The following MAPRE2 variants were observed in gnomAD, a reference collection of about 807,000 sequenced individuals.
MAPRE2 encodes the protein microtubule-associated protein RP/EB family member 2.
A neutral mutation model predicts 43.2 loss-of-function variants in MAPRE2; 13 were observed. The observed-to-expected ratio is 0.30, with a 90% confidence interval of 0.20 to 0.48. MAPRE2 has a LOEUF of 0.48. MAPRE2 is among the 20% of genes least tolerant of loss of function. The pLI is 0.99. For synonymous variants in MAPRE2, 135 were observed against 148.8 expected (o/e 0.91, Z 0.68); for missense variants, 161 against 400.2 (o/e 0.40, Z 5.10).
chr18:35,032,045 G>A (rs923690335), intron 2 of MAPRE2, among the ~76,000 whole-genome samples: 25 of 152,120 alleles, frequency 1.6e-4, no homozygotes, highest in African/African-American at 5.3e-4. Context: ...TTTCAGTGCC[G>A]GTACCACTGG....
Position 35,070,138 on chromosome 18 carries a change from C to A in MAPRE2, c.123-57C>A, listed in dbSNP as rs1907035360. 22 of 1,514,430 alleles carry A rather than the reference C, an allele frequency of 1.5e-5. No homozygotes were observed. The South Asian group carries it at 2.8e-4, about 19-fold the overall frequency. The allele number at this position is 1,514,430 out of a possible 1,614,324, so 93.8% of individuals were successfully genotyped here. ...CAGGATCTTGACCTCGAATAGGTAT[C>A]TTTTGTGTTTCTGAGTTAATTTCCT... On this transcript the variant is annotated intron_variant, in intron 1 of 6. Transcript: ENST00000300249.
intron 1 of MAPRE2, among the ~76,000 whole-genome samples, chr18:34,990,982 TG>T (rs1268698869): frequency 2.6e-5 from 4 of 152,154 alleles, no homozygotes; most frequent in South Asian, 2.1e-4. Context: ...GATAATCTGA[TG>T]GGGGGAGGAT....
intron 2 of MAPRE2, among the ~76,000 whole-genome samples, chr18:35,090,499 A>G (rs2144149370): frequency 6.6e-6 from 1 of 152,290 alleles, no homozygotes. Context: ...TGGGAGTCCA[A>G]GGCAGGAAGA....
At chr18:35,064,000 TAAAAAAAAAAAAAAAAA>T (rs575347953) in intron 1 of MAPRE2, among the ~76,000 whole-genome samples, 12 of 33,958 alleles carry the variant, frequency 3.5e-4, no homozygotes, top group South Asian at 1.8e-3. Context: ...CCTGTCTCTT[TAAAAAAAAAAAAAAAAA>T]AAAAAAAAAA....
intron 4 of MAPRE2, among the ~76,000 whole-genome samples, chr18:35,117,313 C>T (rs531577576): frequency 6.6e-6 from 1 of 152,296 alleles, no homozygotes; most frequent in African/African-American, 2.4e-5. Context: ...GACCGTGTCT[C>T]TCTTAGCCGG....
intron 6 of MAPRE2, among the ~76,000 whole-genome samples, chr18:35,138,797 G>A (rs1034524335): frequency 2.6e-5 from 4 of 152,044 alleles, no homozygotes; most frequent in South Asian, 4.2e-4. Flanking sequence ...AAACCCACAC[G>A]GCCTGTAAAT....
intron 1 of MAPRE2, among the ~76,000 whole-genome samples, chr18:34,980,870 T>C (rs1304258737): frequency 6.6e-6 from 1 of 152,188 alleles, no homozygotes; most frequent in East Asian, 1.9e-4. Context: ...GCTTTTATTT[T>C]CACCTGTGTA....
chr18:34,998,517 C>T (rs926333513), intron 1 of MAPRE2, among the ~76,000 whole-genome samples: 2 of 151,906 alleles, frequency 1.3e-5, no homozygotes, highest in East Asian at 1.9e-4. Flanking sequence ...TTAGTAGAGA[C>T]GGGGTTTCAC....
In MAPRE2 at chr18:34,980,271, C is replaced by T. The variant is rs143694036; in HGVS notation, c.-70+3192C>T. 4.7e-4 allele frequency among the ~76,000 whole-genome samples: 72 copies of T among 152,100 alleles called. No individual in the cohort carries two copies. In the East Asian group the frequency reaches 0.011, roughly 24 times the overall value. ...AACTCCTGACCTGAGGTGATCCACC[C>T]GCCTCGGCCTCCCAAACTGCTGGGA... On this transcript the variant is annotated intron_variant, in intron 1 of 7. Transcript: ENST00000413393.
At chr18:35,121,742 G>T (rs777804580) in intron 4 of MAPRE2, among the ~76,000 whole-genome samples, 2 of 152,196 alleles carry the variant, frequency 1.3e-5, no homozygotes, top group Non-Finnish European at 2.9e-5. Flanking sequence ...GCCTGGTAAA[G>T]GTACAGAAGT....
Position 35,041,457 on chromosome 18 carries a change from G to C in MAPRE2, c.-83G>C. 1 of 1,608,638 alleles carries C rather than the reference G, an allele frequency of 6.2e-7. No individual in the cohort carries two copies. The highest frequency in any genetic ancestry group is 1.1e-5 in the South Asian group (1 of 90,850). On this transcript the variant is annotated 5_prime_UTR_variant, in exon 1 of 7. Coordinates refer to ENST00000300249, the MANE Select transcript of MAPRE2 (RefSeq NM_014268.4). Reference sequence around the variant, plus strand: ...AGGCGGCAGGCACGGTCCGTGCGGAGCAGGCGAGCGAGCGGGAAGACGCAG... The same window carrying C: ...AGGCGGCAGGCACGGTCCGTGCGGACCAGGCGAGCGAGCGGGAAGACGCAG...
chr18:35,117,601 C>T (rs1320539289), intron 4 of MAPRE2, among the ~76,000 whole-genome samples: 2 of 152,124 alleles, frequency 1.3e-5, no homozygotes, highest in Non-Finnish European at 2.9e-5. Flanking sequence ...TGGGCTGGCT[C>T]AGTGTGCTGG....
chr18:35,006,358 G>A (rs755471850), intron 2 of MAPRE2, among the ~76,000 whole-genome samples: 13 of 152,022 alleles, frequency 8.6e-5, no homozygotes, highest in Non-Finnish European at 1.5e-4. Context: ...AAAGTGTGTG[G>A]GGACGTATGT....
intron 1 of MAPRE2, among the ~76,000 whole-genome samples, chr18:35,063,249 G>A (rs1906633018): frequency 1.3e-5 from 2 of 151,996 alleles, no homozygotes; most frequent in South Asian, 2.1e-4. Flanking sequence ...GACTACAGGC[G>A]CACACCACCA....
chr18:35,032,334 T>G (rs1411174312), intron 2 of MAPRE2, among the ~76,000 whole-genome samples: 1 of 152,176 alleles, frequency 6.6e-6, no homozygotes, highest in African/African-American at 2.4e-5. Flanking sequence ...AACACATTTT[T>G]AACCTGAAAA....
At chr18:35,077,794 T>C (rs1014982457) in intron 2 of MAPRE2, among the ~76,000 whole-genome samples, 3 of 152,360 alleles carry the variant, frequency 2.0e-5, no homozygotes. Flanking sequence ...GTCTCTGTTA[T>C]ATGATAAGTT....
At chr18:35,003,981 A>G (rs746543990) in intron 1 of MAPRE2, among the ~76,000 whole-genome samples, 1 of 152,242 alleles carries the variant, frequency 6.6e-6, no homozygotes, top group Non-Finnish European at 1.5e-5. Context: ...TAATTTAGTT[A>G]TTGACACTAT....
chr18:35,045,931 G>A (rs1447400490), intron 1 of MAPRE2, among the ~76,000 whole-genome samples: 2 of 152,174 alleles, frequency 1.3e-5, no homozygotes, highest in East Asian at 1.9e-4. Context: ...GATTTTCAGA[G>A]CTTCTGTTAA....
At chr18:35,126,112 A>G (rs1909891907) in intron 4 of MAPRE2, among the ~76,000 whole-genome samples, 1 of 152,138 alleles carries the variant, frequency 6.6e-6, no homozygotes, top group African/African-American at 2.4e-5. Context: ...GATTGAAAAG[A>G]TCTTTATATT....
Sources: allele counts gnomAD v4.1 joint callset (sites outside exome capture counted in the v4.1 genomes callset), GRCh38; gene constraint gnomAD v4.1.1; transcripts MANE v1.5; gene names NCBI Gene and HGNC (gene_info 2026-07-23, HGNC 2026-07-21).